Variants in EHD1 observed in about 807,000 individuals in gnomAD.
EHD1 encodes the protein EH domain-containing protein 1.
Under a neutral mutation model 39.0 loss-of-function variants are expected in EHD1, and 19 were observed. That is an observed-to-expected ratio of 0.49 (90% CI 0.34 to 0.72). The LOEUF (loss-of-function observed/expected upper bound fraction) is 0.72, where lower values mean the gene tolerates loss of function less well. Among genes scored for constraint, EHD1 ranks in the 30% least tolerant of loss-of-function variants. The pLI is 0.01. For missense variants in EHD1, 542 were observed against 751.5 expected, an observed-to-expected ratio of 0.72 and a Z score of 3.26; for synonymous variants, 323 against 331.2, an observed-to-expected ratio of 0.98 and a Z score of 0.27.
intron 3 of EHD1, among the ~76,000 whole-genome samples, chr11:64,857,291 A>G (rs568489567): frequency 6.6e-6 from 1 of 152,144 alleles, no homozygotes; most frequent in South Asian, 2.1e-4. Flanking sequence ...GGGTGTGGTG[A>G]CGGGCGCCTG....
chr11:64,865,833 C>T (rs1439691928), intron 2 of EHD1, among the ~76,000 whole-genome samples: 2 of 152,154 alleles, frequency 1.3e-5, no homozygotes, highest in African/African-American at 2.4e-5. Flanking sequence ...GTCAGAATGG[C>T]TATTATTAAA....
At chr11:64,860,487 C>T (rs1017514407) in intron 2 of EHD1, 151 bp from the exon 3 acceptor site, 20 of 1,153,856 alleles carry the variant, frequency 1.7e-5, no homozygotes, top group Non-Finnish European at 2.2e-5. Context: ...GTAATCCCAA[C>T]ACTTTGGGAG....
At chr11:64,861,628 A>C (rs1365767218) in intron 2 of EHD1, among the ~76,000 whole-genome samples, 1 of 152,222 alleles carries the variant, frequency 6.6e-6, no homozygotes, top group Non-Finnish European at 1.5e-5. Flanking sequence ...GTATAAATAA[A>C]GTTTTATTGA....
chr11:64,873,957 G>A (rs1943857574), intron 2 of EHD1, among the ~76,000 whole-genome samples: 1 of 151,080 alleles, frequency 6.6e-6, no homozygotes, highest in African/African-American at 2.4e-5. Flanking sequence ...GATTACAAGT[G>A]TGAGCCACCG....
intron 2 of EHD1, among the ~76,000 whole-genome samples, chr11:64,872,944 T>C (rs1211488296): frequency 6.6e-6 from 1 of 152,214 alleles, no homozygotes; most frequent in Non-Finnish European, 1.5e-5. Context: ...AAGTTAATCA[T>C]CAACAAACTT....
At position 64,868,411 on chromosome 11, in the gene EHD1, C is replaced by G. The variant is rs922154877; in HGVS notation, c.502+6010G>C. Among the ~76,000 whole-genome samples, 1 of 151,758 alleles carries G rather than the reference C, an allele frequency of 6.6e-6. No homozygotes were observed. The highest frequency in any genetic ancestry group is 1.5e-5 in the Non-Finnish European group (1 of 67,942). Reference sequence around the variant, plus strand: ...CCACGTACTTGACTCAAAACTGCCCCGGGTGGAACAACCCAAGCGCCCCAA... The same window carrying G: ...CCACGTACTTGACTCAAAACTGCCCGGGGTGGAACAACCCAAGCGCCCCAA... On this transcript the variant is annotated intron_variant, in intron 2 of 4. Transcript: ENST00000320631. This position sits in a 1 kb window ranked among gnomAD's most constrained non-coding sequence, Gnocchi z 4.2.
upstream of EHD1, chr11:64,878,722 G>C (rs1409309751): frequency 1.5e-6 from 2 of 1,336,286 alleles, no homozygotes; most frequent in Non-Finnish European, 1.9e-6. Context: ...CGGTAGGGAG[G>C]AGCCCCTCCC....
chr11:64,877,053 T>G (rs770959751), intron 1 of EHD1, among the ~76,000 whole-genome samples: 2 of 152,206 alleles, frequency 1.3e-5, no homozygotes, highest in Non-Finnish European at 2.9e-5. Flanking sequence ...ATTCAAAGAT[T>G]CCTTCAGAGG....
At position 64,854,053 on chromosome 11, in the gene EHD1, C is replaced by T. The variant is rs1369380437; in HGVS notation, c.*280G>A. On this transcript the variant is annotated 3_prime_UTR_variant, in exon 5 of 5. Coordinates refer to ENST00000320631, the MANE Select transcript of EHD1 (RefSeq NM_006795.4). The stretch of plus-strand genomic sequence containing the variant: ...GGCCGGGGGGCAGAGGCCGTGCACA[C>T]AGGGCTGGCACACAGGGGAGGCGGC... 3.7e-6 allele frequency: 2 copies of T among 543,096 alleles called. No homozygotes were observed. The highest frequency in any genetic ancestry group is 6.4e-6 in the Non-Finnish European group (2 of 310,900). The allele number at this position is 543,096 out of a possible 1,614,324, so 33.6% of individuals were successfully genotyped here. A position where few individuals can be genotyped will look rare whatever the true frequency, so the allele number is the denominator to read the frequency against.
At position 64,878,299 on chromosome 11, in the gene EHD1, C is replaced by G. The variant is rs1316872445; in HGVS notation, c.166G>C (p.Asp56His). The stretch of plus-strand genomic sequence containing the variant: ...ACGAGGAGCACCATAGGCTTGTTGT[C>G]GAAGTCAGCGTCCTCCAGCGCGGGC... ...HSPALEDADF[D>H]NKPMVLLVGQ... The change falls in exon 1 of 5, where the codon GAC (aspartate) becomes CAC (histidine). Residue 56 changes from aspartate (D) to histidine (H), a missense_variant. Physicochemically the swap from Asp to His is moderately conservative, Grantham distance 81. Transcript: ENST00000320631. 2 of 1,614,078 alleles carry G rather than the reference C, an allele frequency of 1.2e-6. No homozygotes were observed. The highest frequency in any genetic ancestry group is 1.7e-6 in the Non-Finnish European group (2 of 1,180,038).
At chr11:64,877,972 G>A in intron 1 of EHD1, 89 bp downstream of exon 1, 3 of 1,346,078 alleles carry the variant, frequency 2.2e-6, no homozygotes, top group South Asian at 1.6e-5. Flanking sequence ...GACAAAGGAC[G>A]GCGGGGCGAC....
intron 2 of EHD1, among the ~76,000 whole-genome samples, chr11:64,872,970 A>G (rs1207559362): frequency 6.6e-6 from 1 of 152,078 alleles, no homozygotes; most frequent in Non-Finnish European, 1.5e-5. Context: ...CTTGTCCTCA[A>G]CCCCTCTTTG....
chr11:64,872,682 C>T (rs1039583569), intron 2 of EHD1, among the ~76,000 whole-genome samples: 5 of 151,866 alleles, frequency 3.3e-5, no homozygotes, highest in African/African-American at 9.7e-5. Flanking sequence ...AATCTAACAG[C>T]TTAACTGGCA....
Position 64,861,791 on chromosome 11 carries a change from A to C in EHD1, c.503-1455T>G, listed in dbSNP as rs558385104. ...AGTTTGCTGACCTCTGCTCTACAAGAAGCCCAGGAAGTGCTACGAACCACT... is the reference window on the plus strand; with the variant it reads ...AGTTTGCTGACCTCTGCTCTACAAGCAGCCCAGGAAGTGCTACGAACCACT... On this transcript the variant is annotated intron_variant, in intron 2 of 4. Coordinates refer to ENST00000320631, the MANE Select transcript of EHD1 (RefSeq NM_006795.4). Among the ~76,000 whole-genome samples the C allele has an allele frequency of 2.0e-5, 3 of 152,328 alleles. No individual in the cohort carries two copies. The South Asian group carries it at 6.2e-4, about 32-fold the overall frequency.
chr11:64,865,335 G>A (rs1367637184), intron 2 of EHD1, among the ~76,000 whole-genome samples: 2 of 152,250 alleles, frequency 1.3e-5, no homozygotes, highest in African/African-American at 2.4e-5. Context: ...ACTGCACAGC[G>A]GTAACACTGA....
At chr11:64,877,690 G>T (rs753019693) in intron 1 of EHD1, 1 of 222,606 alleles carries the variant, frequency 4.5e-6, no homozygotes, top group Non-Finnish European at 8.7e-6. Context: ...GTTGATTTCC[G>T]TGAATTAGGT....
chr11:64,854,274 T>TC lies in EHD1; in HGVS notation c.*58dup, dbSNP rs1043264835. 5.9e-6 allele frequency: 9 copies of TC among 1,524,402 alleles called. No individual in the cohort carries two copies. In the African/African-American group the frequency reaches 6.8e-5, roughly 12 times the overall value. 94.4% of individuals were successfully genotyped at this position (1,524,402 alleles called of 1,614,324 possible). ...CCTTGAGAAATGGTGAGGCTTCCCCTCCCCCCGTCTCTGCCTCCCGGCCGG... is the reference window on the plus strand; with the variant it reads ...CCTTGAGAAATGGTGAGGCTTCCCCTCCCCCCCGTCTCTGCCTCCCGGCCGG... On this transcript the variant is annotated 3_prime_UTR_variant, in exon 5 of 5. Coordinates refer to ENST00000320631, the MANE Select transcript of EHD1 (RefSeq NM_006795.4).
chr11:64,867,667 G>A (rs536846019), intron 2 of EHD1, among the ~76,000 whole-genome samples: 10 of 152,240 alleles, frequency 6.6e-5, no homozygotes, highest in African/African-American at 2.4e-4. Context: ...GCAGTGGGCC[G>A]AGATTGATCG....
chr11:64,872,750 G>A (rs906405847), intron 2 of EHD1, among the ~76,000 whole-genome samples: 1 of 152,190 alleles, frequency 6.6e-6, no homozygotes, highest in African/African-American at 2.4e-5. Flanking sequence ...GTCCCACACG[G>A]GCAAGGCCCG....
Sources: gnomAD v4.1 joint callset for allele counts (sites outside exome capture counted in the v4.1 genomes callset) on GRCh38, gnomAD v4.1.1 for gene constraint, Gnocchi (gnomAD v3.1) non-coding constraint, MANE v1.5 for transcripts, NCBI Gene and HGNC (gene_info 2026-07-23, HGNC 2026-07-21) for gene names.